The following RIOK1 variants were observed in gnomAD, a reference collection of about 807,000 sequenced individuals.
RIOK1 encodes serine/threonine-protein kinase RIO1.
Under a neutral mutation model 73.5 loss-of-function variants are expected in RIOK1, and 66 were observed. The ratio of observed to expected loss-of-function variants is 0.90; its 90% CI spans 0.74 to 1.10. RIOK1 has a LOEUF of 1.10. Among genes scored for constraint, RIOK1 ranks in the 50% least tolerant of loss-of-function variants. RIOK1 has a pLI of 0.00. For synonymous variants in RIOK1, 224 were observed against 226.8 expected, an observed-to-expected ratio of 0.99 and a Z score of 0.11; for missense variants, 658 against 699.8, an observed-to-expected ratio of 0.94 and a Z score of 0.67.
intron 16 of RIOK1, among the ~76,000 whole-genome samples, chr6:7,416,922 A>G (rs530922655): frequency 2.6e-5 from 4 of 152,024 alleles, no homozygotes; most frequent in Admixed American, 6.6e-5. Context: ...TTATTCTTCT[A>G]TGTGTGTATT....
In RIOK1 at chr6:7,417,675, T is replaced by A; in HGVS notation, c.*234T>A. On this transcript the variant is annotated 3_prime_UTR_variant, in exon 17 of 17. Transcript: ENST00000379834. ...ACAGAGGATTTATTTAAGCTATTATTTTAATAAAGAACTTTGTACATTTTT... is the reference window on the plus strand; with the variant it reads ...ACAGAGGATTTATTTAAGCTATTATATTAATAAAGAACTTTGTACATTTTT... 3.5e-6 allele frequency: 1 copy of A among 287,234 alleles called. No individual in the cohort carries two copies. Among genetic ancestry groups the A allele is most frequent in the Non-Finnish European group, 6.8e-6 (1 of 147,040 alleles). 17.8% of individuals were successfully genotyped at this position (287,234 alleles called of 1,614,324 possible).
At chr6:7,393,823 G>C (rs925593353) in intron 2 of RIOK1, among the ~76,000 whole-genome samples, 1 of 152,114 alleles carries the variant, frequency 6.6e-6, no homozygotes, top group Admixed American at 6.6e-5. Context: ...TTAGTTACAA[G>C]AATGATCCTC....
chr6:7,417,380 A>G lies in RIOK1; in HGVS notation c.1646A>G (p.Lys549Arg), dbSNP rs1263604919. 3 of 1,569,192 alleles carry G rather than the reference A, an allele frequency of 1.9e-6. No individual in the cohort carries two copies. Among genetic ancestry groups the G allele is most frequent in the Admixed American group, 1.9e-5 (1 of 51,932 alleles). Residue 549 changes from lysine to arginine, a missense_variant, in exon 17 of 17, where the codon AAA becomes AGA. By Grantham distance (26) the Lys-to-Arg change is conservative. Transcript: ENST00000379834. Reference protein sequence around the residue: ...KEAQREKRKNKIPKHVKKRKE... With the variant: ...KEAQREKRKNRIPKHVKKRKE... ...GCCCAGAGAGAGAAAAGAAAAAACA[A>G]AATTCCTAAACATGTGAAAAAAAGA...
Position 7,401,007 on chromosome 6 carries a change from G to A in RIOK1, c.530G>A (p.Gly177Glu), listed in dbSNP as rs1761598033. The change falls in exon 6 of 17, where the codon GGA becomes GAA. Residue 177 changes from glycine (G) to glutamate (E), a missense_variant. By Grantham distance (98) the Gly-to-Glu change is moderately conservative (BLOSUM62 -2). Coordinates refer to ENST00000379834, the MANE Select transcript of RIOK1 (RefSeq NM_031480.3). Reference protein sequence around the residue: ...RMILFKMLTRGIITEINGCIS... With the variant: ...RMILFKMLTREIITEINGCIS... ...ATTTTATTCAAGATGTTGACTAGAG[G>A]AATCATAACAGAGATAAATGGCTGC... 6.2e-7 allele frequency: 1 copy of A among 1,611,080 alleles called. No individual in the cohort carries two copies. Among genetic ancestry groups the A allele is most frequent in the Admixed American group, 1.7e-5 (1 of 59,754 alleles).
intron 1 of RIOK1, among the ~76,000 whole-genome samples, chr6:7,392,644 C>T (rs1056358434): frequency 2.6e-5 from 4 of 151,960 alleles, no homozygotes; most frequent in South Asian, 2.1e-4. Flanking sequence ...CTCAGCCTCC[C>T]GAGTAGCTGG....
chr6:7,405,396 C>A, intron 12 of RIOK1, 41 bp downstream of exon 12: 1 of 1,157,894 alleles, frequency 8.6e-7, no homozygotes, highest in Non-Finnish European at 1.3e-6. Context: ...AATAGCAGTA[C>A]AGGTGCAGTA....
At chr6:7,408,105 C>A in intron 12 of RIOK1, among the ~76,000 whole-genome samples, 1 of 152,178 alleles carries the variant, frequency 6.6e-6, no homozygotes, top group East Asian at 1.9e-4. Context: ...GGCACAATCT[C>A]AGCTCACTGT....
chr6:7,398,581 C>A, intron 4 of RIOK1, 117 bp from the exon 5 acceptor site: 1 of 708,280 alleles, frequency 1.4e-6, no homozygotes, highest in South Asian at 1.8e-5. Context: ...ATCATAAAAT[C>A]TGTTATTTAG....
In RIOK1 at chr6:7,414,385, A is replaced by G. The variant is rs1395055644; in HGVS notation, c.1591A>G (p.Lys531Glu). ...ACACACCACGGACCCTGACATTGAT[A>G]AAAAAGTAAGCAATGAAATACCTTC... Reference protein sequence around the residue: ...KKHTTDPDIDKKERKKMVKEA... With the variant: ...KKHTTDPDIDEKERKKMVKEA... The change falls in exon 16 of 17, where the codon AAA becomes GAA. Residue 531 changes from lysine (K) to glutamate (E), a missense_variant. Transcript: ENST00000379834. The G allele has an allele frequency of 6.3e-7, 1 of 1,599,416 alleles. No homozygotes were observed. Among genetic ancestry groups the G allele is most frequent in the African/African-American group, 1.4e-5 (1 of 74,032 alleles).
chr6:7,392,139 A>C (rs1242717550), intron 1 of RIOK1, among the ~76,000 whole-genome samples: 1 of 151,960 alleles, frequency 6.6e-6, no homozygotes, highest in Non-Finnish European at 1.5e-5. Flanking sequence ...ATTTGTAAAA[A>C]TTGACTATGC....
Position 7,412,925 on chromosome 6 carries a change from T to G in RIOK1, c.1426T>G (p.Leu476Val). The G allele has an allele frequency of 1.3e-6, 2 of 1,563,470 alleles. No individual in the cohort carries two copies. Among genetic ancestry groups the G allele is most frequent in the East Asian group, 4.7e-5 (2 of 42,576 alleles). The change falls in exon 15 of 17, where the codon TTG becomes GTG. Residue 476 changes from leucine (L) to valine (V), a missense_variant. Coordinates refer to ENST00000379834, the MANE Select transcript of RIOK1 (RefSeq NM_031480.3). ...YQTVTGLKKD[L>V]SGVQKVPALL... ...GACTGTTACAGGATTGAAGAAAGAT[T>G]TGTCAGGAGTTCAGAAGGTATGAAG...
At chr6:7,390,532 T>C (rs956520873) in intron 1 of RIOK1, among the ~76,000 whole-genome samples, 1 of 152,236 alleles carries the variant, frequency 6.6e-6, no homozygotes, top group African/African-American at 2.4e-5. Flanking sequence ...ATGTAGACTA[T>C]GCAAATCGTT....
chr6:7,402,823 T>A lies in RIOK1; in HGVS notation c.693T>A (p.Arg231=). Reference sequence around the variant, plus strand: ...AACATTTTTCTTATTCAAGATTTCGTCATGGCTATTGTAAAGGAAACCCTA... The same window carrying A: ...AACATTTTTCTTATTCAAGATTTCGACATGGCTATTGTAAAGGAAACCCTA... The part of the protein sequence containing the change: ...DKYVSGEFRF[R]HGYCKGNPRK... The change falls in exon 8 of 17, where the codon CGT becomes CGA. Residue 231 remains arginine (R), a synonymous_variant. Transcript: ENST00000379834. 1 of 1,612,360 alleles carries A rather than the reference T, an allele frequency of 6.2e-7. No individual in the cohort carries two copies. The highest frequency in any genetic ancestry group is 8.5e-7 in the Non-Finnish European group (1 of 1,179,064).
chr6:7,395,432 G>A (rs886100439), intron 3 of RIOK1, among the ~76,000 whole-genome samples: 1 of 150,554 alleles, frequency 6.6e-6, no homozygotes, highest in Non-Finnish European at 1.5e-5. Context: ...AGAATCCCTT[G>A]AACCTGGGAG....
At chr6:7,397,133 G>T (rs761338339) in intron 4 of RIOK1, among the ~76,000 whole-genome samples, 24 of 152,094 alleles carry the variant, frequency 1.6e-4, no homozygotes, top group Non-Finnish European at 2.2e-4. Flanking sequence ...ACATGGTGGT[G>T]CACGCCTGTA....
At chr6:7,403,863 CTT>C (rs1186463454) in intron 8 of RIOK1, 76 bp from the exon 9 acceptor site, 25 of 896,988 alleles carry the variant, frequency 2.8e-5, no homozygotes, top group Non-Finnish European at 4.2e-5. Flanking sequence ...CAATATTAAT[CTT>C]GGGACCTGCA....
intron 8 of RIOK1, 72 bp downstream of exon 8, chr6:7,402,969 T>C (rs1222591325): frequency 2.1e-6 from 3 of 1,396,664 alleles, no homozygotes; most frequent in Non-Finnish European, 3.0e-6. Context: ...TCCCAGCAGA[T>C]CCCAGTGTGG....
chr6:7,393,301 C>G lies in RIOK1; in HGVS notation c.274C>G (p.Gln92Glu), dbSNP rs1761389213. The change falls in exon 2 of 17, where the codon CAG becomes GAG. Residue 92 changes from glutamine to glutamate, a missense_variant and splice_region_variant. Transcript: ENST00000379834. ...TGTCTGGAATGGAGGAAGCAACCCA[C>G]AGGTATTTTATAAAGGATCCTGCAC... is the stretch of plus-strand genomic sequence containing the variant. The part of the protein sequence containing the change: ...GYVWNGGSNP[Q>E]ANRQTSDSSS... 1.2e-6 allele frequency: 2 copies of G among 1,613,572 alleles called. No individual in the cohort carries two copies. Among genetic ancestry groups the G allele is most frequent in the East Asian group, 4.5e-5 (2 of 44,872 alleles).
intron 1 of RIOK1, 94 bp downstream of exon 1, chr6:7,390,167 C>A: frequency 9.7e-7 from 1 of 1,027,692 alleles, no homozygotes; most frequent in Non-Finnish European, 1.4e-6. Context: ...TAGAGGGAGA[C>A]TAGTGGTTCA....
Sources: allele counts gnomAD v4.1 joint callset (sites outside exome capture counted in the v4.1 genomes callset), GRCh38; gene constraint gnomAD v4.1.1; transcripts MANE v1.5; gene names NCBI Gene and HGNC (gene_info 2026-07-23, HGNC 2026-07-21).